The following PKIA variants were observed in gnomAD, a reference collection of about 807,000 sequenced individuals.
PKIA encodes PKI-alpha.
PKIA carries 4 observed loss-of-function variants against 7.6 expected under a neutral mutation model. The ratio of observed to expected loss-of-function variants is 0.52; its 90% CI spans 0.26 to 1.20. The LOEUF is 1.20. Among genes scored for constraint, PKIA ranks in the 50% most tolerant of loss-of-function variants. The pLI, the probability that PKIA is intolerant of heterozygous loss-of-function variation, is 0.13. For missense variants in PKIA, 73 were observed against 86.2 expected (o/e 0.85, Z 0.61); for synonymous variants, 21 against 30.7 (o/e 0.68, Z 1.04).
At chr8:78,561,338 A>T (rs1409932274) in intron 1 of PKIA, among the ~76,000 whole-genome samples, 1 of 152,178 alleles carries the variant, frequency 6.6e-6, no homozygotes, top group African/African-American at 2.4e-5. Flanking sequence ...TGTTTCTGAT[A>T]TCGTGACACA....
chr8:78,534,899 C>T (rs978886386), intron 1 of PKIA: 2 of 152,008 alleles, frequency 1.3e-5, no homozygotes, highest in Admixed American at 6.6e-5. Flanking sequence ...CAAATACAGC[C>T]CTATGGAAGC....
chr8:78,597,896 C>T (rs558072640), intron 2 of PKIA, among the ~76,000 whole-genome samples: 1 of 151,934 alleles, frequency 6.6e-6, no homozygotes, highest in Admixed American at 6.6e-5. Flanking sequence ...GAGATCATGT[C>T]TGTTGCAGCA....
At chr8:78,535,878 TA>T (rs1339017002) in intron 1 of PKIA, 1 of 152,122 alleles carries the variant, frequency 6.6e-6, no homozygotes, top group Non-Finnish European at 1.5e-5. Context: ...TGGATTTTGG[TA>T]TCTGCGGGTT....
In PKIA at chr8:78,602,995, A is replaced by G. The variant is rs1563597667; in HGVS notation, c.*1174A>G. ...ATCCAAATGTTATTATGCACTTTTT[A>G]ATGTTTGTAAACTTTTACTAATAAT... On this transcript the variant is annotated 3_prime_UTR_variant, in exon 4 of 4. Transcript: ENST00000396418. 6.6e-6 allele frequency: 1 copy of G among 152,306 alleles called. No individual in the cohort carries two copies. Among genetic ancestry groups the G allele is most frequent in the Non-Finnish European group, 1.5e-5 (1 of 67,922 alleles). 9.4% of individuals were successfully genotyped at this position (152,306 alleles called of 1,614,324 possible).
At chr8:78,584,877 T>C (rs952633428) in intron 2 of PKIA, among the ~76,000 whole-genome samples, 1 of 152,062 alleles carries the variant, frequency 6.6e-6, no homozygotes, top group Non-Finnish European at 1.5e-5. Flanking sequence ...CTCAGATGGA[T>C]TGGTTTTTAT....
intron 2 of PKIA, among the ~76,000 whole-genome samples, chr8:78,582,713 C>T (rs746698503): frequency 6.6e-6 from 1 of 152,040 alleles, no homozygotes; most frequent in Non-Finnish European, 1.5e-5. Context: ...TATATTTCTA[C>T]CTGCACTCAA....
At chr8:78,517,748 T>A (rs1364131070) in intron 1 of PKIA, among the ~76,000 whole-genome samples, 3 of 152,200 alleles carry the variant, frequency 2.0e-5, no homozygotes, top group Non-Finnish European at 2.9e-5. Flanking sequence ...CCTAGAGATG[T>A]ACATTTGAAT....
intron 1 of PKIA, among the ~76,000 whole-genome samples, chr8:78,555,271 A>G (rs1397303051): frequency 6.6e-6 from 1 of 152,018 alleles, no homozygotes; most frequent in African/African-American, 2.4e-5. Flanking sequence ...TACCCCTTAC[A>G]GTAACTGTAT....
At chr8:78,527,464 TAAAG>T in intron 1 of PKIA, among the ~76,000 whole-genome samples, 1 of 152,164 alleles carries the variant, frequency 6.6e-6, no homozygotes. Context: ...TCATTTAAAA[TAAAG>T]AGACAAGTGC....
At chr8:78,570,096 G>T (rs936974850) in intron 1 of PKIA, among the ~76,000 whole-genome samples, 1 of 152,124 alleles carries the variant, frequency 6.6e-6, no homozygotes, top group African/African-American at 2.4e-5. Flanking sequence ...AAAACAGCCA[G>T]CCAGTGAGAT....
chr8:78,556,803 A>G (rs1333122100), intron 1 of PKIA, among the ~76,000 whole-genome samples: 1 of 152,154 alleles, frequency 6.6e-6, no homozygotes, highest in Non-Finnish European at 1.5e-5. Flanking sequence ...TTATATTGGT[A>G]ACATTTAAAT....
At chr8:78,571,997 A>G (rs1167575227) in intron 1 of PKIA, among the ~76,000 whole-genome samples, 1 of 151,800 alleles carries the variant, frequency 6.6e-6, no homozygotes, top group African/African-American at 2.4e-5. Context: ...TTTTCCATAA[A>G]TGATGAATGA....
At chr8:78,586,207 T>G (rs1807947012) in intron 2 of PKIA, among the ~76,000 whole-genome samples, 2 of 152,154 alleles carry the variant, frequency 1.3e-5, no homozygotes, top group South Asian at 4.1e-4. Flanking sequence ...AATTGCACTT[T>G]TGGAAGCTCC....
chr8:78,602,930 C>T lies in PKIA; in HGVS notation c.*1109C>T, dbSNP rs1808387026. The T allele has an allele frequency of 6.6e-6, 1 of 152,102 alleles. No homozygotes were observed. The highest frequency in any genetic ancestry group is 1.5e-5 in the Non-Finnish European group (1 of 67,844). The allele number at this position is 152,102 out of a possible 1,614,324, so 9.4% of individuals were successfully genotyped here. A position where few individuals can be genotyped will look rare whatever the true frequency, so the allele number is the denominator to read the frequency against. ...TGGACACCAATCACAAAAGTAAAGC[C>T]CTGGTGTTGTGTTTTCATGTCTTTT... On this transcript the variant is annotated 3_prime_UTR_variant, in exon 4 of 4. Transcript: ENST00000396418.
chr8:78,549,726 C>CAA (rs10708020), intron 1 of PKIA, among the ~76,000 whole-genome samples: 1 of 123,220 alleles, frequency 8.1e-6, no homozygotes, highest in Non-Finnish European at 1.8e-5. Flanking sequence ...ACTGAAATAC[C>CAA]AAAAAAAAAA....
chr8:78,582,170 C>A (rs1329588018), intron 2 of PKIA, among the ~76,000 whole-genome samples: 70 of 142,276 alleles, frequency 4.9e-4, no homozygotes, highest in Non-Finnish European at 3.4e-4. Context: ...AGCAATATTT[C>A]GTGTTTTTTT....
At chr8:78,518,891 C>T (rs1292913765) in intron 1 of PKIA, among the ~76,000 whole-genome samples, 2 of 152,090 alleles carry the variant, frequency 1.3e-5, no homozygotes, top group Non-Finnish European at 2.9e-5. Flanking sequence ...TGAATTTGGA[C>T]TTTGTTGTGT....
Position 78,562,351 on chromosome 8 carries a change from T to C in PKIA, c.-156-10460T>C, listed in dbSNP as rs139897538. Among the ~76,000 whole-genome samples, 524 of 152,296 alleles carry C rather than the reference T, an allele frequency of 3.4e-3. 5 individuals carry two copies. Among genetic ancestry groups the C allele is most frequent in the African/African-American group, 0.012 (489 of 41,558 alleles). On this transcript the variant is annotated intron_variant, in intron 1 of 3. Coordinates refer to ENST00000396418, the MANE Select transcript of PKIA (RefSeq NM_006823.4). Reference sequence around the variant, plus strand: ...TCATAGAGTCACAGCTATTTTATTTTTATAGGAGACTCAACAGTCAAAGTA... The same window carrying C: ...TCATAGAGTCACAGCTATTTTATTTCTATAGGAGACTCAACAGTCAAAGTA...
At chr8:78,547,149 G>A (rs548835577) in intron 1 of PKIA, among the ~76,000 whole-genome samples, 33 of 151,832 alleles carry the variant, frequency 2.2e-4, no homozygotes, top group Admixed American at 4.6e-4. Flanking sequence ...TCGCTCTGTC[G>A]CCAGGCTGGA....
Sources: gnomAD v4.1 joint callset for allele counts (sites outside exome capture counted in the v4.1 genomes callset) on GRCh38, gnomAD v4.1.1 for gene constraint, MANE v1.5 for transcripts, NCBI Gene and HGNC (gene_info 2026-07-23, HGNC 2026-07-21) for gene names.